The following CUX1 variants were observed in gnomAD, a reference collection of about 807,000 sequenced individuals.
CUX1 encodes the protein cut like homeobox 1, also known as protein CASP.
A neutral mutation model predicts 158.8 loss-of-function variants in CUX1; 31 were observed. That is an observed-to-expected ratio of 0.20 (90% CI 0.15 to 0.26). The LOEUF (loss-of-function observed/expected upper bound fraction) is 0.26, where lower values mean the gene tolerates loss of function less well. Among genes scored for constraint, CUX1 ranks in the 10% least tolerant of loss-of-function variants. The probability of loss-of-function intolerance (pLI) is 1.00; values close to 1 mark genes in which losing one functional copy is unlikely to be tolerated. For synonymous variants in CUX1, 879 were observed against 862.1 expected, an observed-to-expected ratio of 1.02 and a Z score of -0.34; for missense variants, 1,589 against 2,014.6, an observed-to-expected ratio of 0.79 and a Z score of 4.04.
rs988164979 is a variant in CUX1, at chr7:102,075,185, C to T, written c.268+4768C>T. On this transcript the variant is annotated intron_variant, in intron 4 of 23. Coordinates refer to ENST00000292535, the MANE Select transcript of CUX1 (RefSeq NM_181552.4). ...TGTTCTGAGCATTTTGTCACCAACT[C>T]TGGCCATCCAACCTCTAGGATGTCT... Among the ~76,000 whole-genome samples, 11 of 152,152 alleles carry T rather than the reference C, an allele frequency of 7.2e-5. 1 individual carries two copies. The highest frequency in any genetic ancestry group is 2.9e-5 in the Non-Finnish European group (2 of 68,028).
Position 101,817,683 on chromosome 7 carries a change from G to A in CUX1, c.30+14G>A. The A allele has an allele frequency of 6.4e-7, 1 of 1,550,960 alleles. No homozygotes were observed. Among genetic ancestry groups the A allele is most frequent in the Non-Finnish European group, 8.7e-7 (1 of 1,147,286 alleles). ...GCCAGGTTGAAGGTGAGCGGCGTGTGGGCCAGAAGTCCCGAGGTTGCAGGC... is the reference window on the plus strand; with the variant it reads ...GCCAGGTTGAAGGTGAGCGGCGTGTAGGCCAGAAGTCCCGAGGTTGCAGGC... On this transcript the variant is annotated intron_variant, in intron 1 of 23. Transcript: ENST00000292535. This position sits in a 1 kb window ranked among gnomAD's most constrained non-coding sequence, Gnocchi z 4.1.
chr7:101,909,951 G>A (rs898447580), intron 1 of CUX1, among the ~76,000 whole-genome samples: 1 of 151,974 alleles, frequency 6.6e-6, no homozygotes, highest in East Asian at 1.9e-4. Context: ...ACAGAGTCTC[G>A]CTCTGCTGCC....
chr7:102,059,312 G>A (rs549103439), intron 3 of CUX1, among the ~76,000 whole-genome samples: 7 of 152,170 alleles, frequency 4.6e-5, no homozygotes, highest in Admixed American at 2.0e-4. Context: ...GGCTTCTTCG[G>A]GGCCTCTCTA....
intron 2 of CUX1, among the ~76,000 whole-genome samples, chr7:101,937,963 C>G (rs947552179): frequency 3.3e-5 from 5 of 152,090 alleles, no homozygotes; most frequent in African/African-American, 4.8e-5. Context: ...TCTGTTCTAC[C>G]CACACTCTTG....
At chr7:102,282,884 A>C in intron 22 of CUX1, 4 of 779,890 alleles carry the variant, frequency 5.1e-6, no homozygotes, top group Non-Finnish European at 5.9e-6. Context: ...GCCCTCCATC[A>C]CAGCCCCCCA....
intron 10 of CUX1, among the ~76,000 whole-genome samples, chr7:102,176,625 C>T (rs1367712768): frequency 8.2e-6 from 1 of 122,092 alleles, no homozygotes; most frequent in Non-Finnish European, 1.6e-5. Context: ...GGCTGGAGGT[C>T]AGTGGTGCAA....
intron 2 of CUX1, among the ~76,000 whole-genome samples, chr7:101,965,155 C>T (rs142552204): frequency 1.3e-5 from 2 of 152,348 alleles, no homozygotes; most frequent in African/African-American, 4.8e-5. Context: ...ATTATGCTTC[C>T]TCGAACAGCA....
At chr7:101,817,400 G>T (rs1316136315), upstream of CUX1, 1 of 984,514 alleles carries the variant, frequency 1.0e-6, no homozygotes, top group Non-Finnish European at 1.2e-6. This position sits in a 1 kb window ranked among gnomAD's most constrained non-coding sequence, Gnocchi z 4.1. Flanking sequence ...CGAAAGCAGA[G>T]CCCCGGGGGC....
intron 3 of CUX1, among the ~76,000 whole-genome samples, chr7:102,048,411 C>T (rs1387787916): frequency 1.3e-5 from 2 of 152,308 alleles, no homozygotes; most frequent in South Asian, 2.1e-4. Flanking sequence ...AGAAATAGAC[C>T]GAACAGGGTC....
intron 14 of CUX1, among the ~76,000 whole-genome samples, chr7:102,271,487 G>A (rs1791208238): frequency 6.6e-6 from 1 of 152,182 alleles, no homozygotes. Flanking sequence ...CACAGGCCAG[G>A]ACCCAAGGAC....
intron 8 of CUX1, among the ~76,000 whole-genome samples, chr7:102,119,671 A>G (rs1585765073): frequency 1.3e-5 from 2 of 152,246 alleles, no homozygotes; most frequent in African/African-American, 2.4e-5. Context: ...GATTATAACC[A>G]TTTCTGGGTT....
chr7:101,886,303 C>T (rs533473227), intron 1 of CUX1, among the ~76,000 whole-genome samples: 6 of 152,180 alleles, frequency 3.9e-5, no homozygotes, highest in African/African-American at 1.2e-4. Flanking sequence ...AAGTGATCTT[C>T]CTACCCCAGC....
intron 14 of CUX1, among the ~76,000 whole-genome samples, chr7:102,271,068 T>C (rs1270566475): frequency 6.6e-6 from 1 of 152,076 alleles, no homozygotes; most frequent in Non-Finnish European, 1.5e-5. Flanking sequence ...GTGCAAGGAA[T>C]CATCTCAGCA....
At chr7:101,820,062 T>C (rs1792301850) in intron 1 of CUX1, among the ~76,000 whole-genome samples, 1 of 152,236 alleles carries the variant, frequency 6.6e-6, no homozygotes. Context: ...TCAGGGTTTA[T>C]ATGGGAGCTG....
chr7:102,202,354 C>T (rs1365884535), intron 18 of CUX1, 150 bp downstream of exon 18: 13 of 1,138,434 alleles, frequency 1.1e-5, no homozygotes, highest in Middle Eastern at 3.0e-4. Context: ...TTCCAAGGTG[C>T]GGCTGGTGAA....
chr7:102,228,966 G>T (rs1266109618), intron 21 of CUX1, among the ~76,000 whole-genome samples: 1 of 152,206 alleles, frequency 6.6e-6, no homozygotes, highest in Non-Finnish European at 1.5e-5. Flanking sequence ...TGCATTCTCA[G>T]ATCCCCCTCC....
chr7:101,971,171 A>G (rs1442957034), intron 2 of CUX1, among the ~76,000 whole-genome samples: 1 of 152,258 alleles, frequency 6.6e-6, no homozygotes, highest in Non-Finnish European at 1.5e-5. Context: ...GGTTGAGCTC[A>G]TATTGAGTCT....
At chr7:102,218,464 A>G (rs1490573513) in intron 20 of CUX1, among the ~76,000 whole-genome samples, 15 of 152,196 alleles carry the variant, frequency 9.9e-5, no homozygotes, top group Non-Finnish European at 1.6e-4. Context: ...CAGGAGAATC[A>G]CTTGAGCCCA....
intron 21 of CUX1, among the ~76,000 whole-genome samples, chr7:102,229,488 T>G (rs782182722): frequency 6.6e-6 from 1 of 151,706 alleles, no homozygotes; most frequent in Non-Finnish European, 1.5e-5. Context: ...ATTTTTGTAT[T>G]TTTAGTAGAG....
Sources: gnomAD v4.1 joint callset for allele counts (sites outside exome capture counted in the v4.1 genomes callset) on GRCh38, gnomAD v4.1.1 for gene constraint, Gnocchi (gnomAD v3.1) non-coding constraint, MANE v1.5 for transcripts, NCBI Gene and HGNC (gene_info 2026-07-23, HGNC 2026-07-21) for gene names.